SCFD2: variants seen among roughly 807,000 people sequenced by gnomAD.
SCFD2 encodes sec1 family domain-containing protein 2.
SCFD2 carries 54 observed loss-of-function variants against 58.9 expected under a neutral mutation model. The observed-to-expected ratio is 0.92, with a 90% CI of 0.74 to 1.15. The LOEUF (loss-of-function observed/expected upper bound fraction) is 1.15. Among genes scored for constraint, SCFD2 ranks in the 50% most tolerant of loss-of-function variants. The pLI is 0.00. For missense variants in SCFD2, 805 were observed against 836.6 expected (o/e 0.96, Z 0.47); for synonymous variants, 321 against 335.9 (o/e 0.96, Z 0.49).
intron 3 of SCFD2, among the ~76,000 whole-genome samples, chr4:53,300,529 A>T (rs1732241345): frequency 6.6e-6 from 1 of 152,190 alleles, no homozygotes; most frequent in Non-Finnish European, 1.5e-5. Context: ...TGTCCACAGT[A>T]GACAGATCAA....
rs373731294 is a variant in SCFD2, at chr4:53,230,322, T to C, written c.1311+43504A>G. On this transcript the variant is annotated intron_variant, in intron 4 of 8. Coordinates refer to ENST00000401642, the MANE Select transcript of SCFD2 (RefSeq NM_152540.4). ...ATGCTGCTACAAAGACACATGCACATGTATGTTTATTGCGGCACTATTCAC... is the reference window on the plus strand; with the variant it reads ...ATGCTGCTACAAAGACACATGCACACGTATGTTTATTGCGGCACTATTCAC... 9.2e-5 allele frequency among the ~76,000 whole-genome samples: 14 copies of C among 152,182 alleles called. No homozygotes were observed. The South Asian group carries it at 2.7e-3, about 29-fold the overall frequency.
At chr4:53,117,159 A>G (rs1242232225) in intron 5 of SCFD2, among the ~76,000 whole-genome samples, 2 of 152,150 alleles carry the variant, frequency 1.3e-5, no homozygotes, top group African/African-American at 4.8e-5. Context: ...GCTGACTCCT[A>G]TCAAGCTGCT....
At chr4:53,072,558 G>C (rs1187995335) in intron 5 of SCFD2, among the ~76,000 whole-genome samples, 1 of 151,770 alleles carries the variant, frequency 6.6e-6, no homozygotes, top group Non-Finnish European at 1.5e-5. Flanking sequence ...AAAGAACCCA[G>C]AGAATAATAA....
intron 7 of SCFD2, among the ~76,000 whole-genome samples, chr4:52,903,234 C>G (rs537171418): frequency 2.0e-5 from 3 of 152,332 alleles, no homozygotes; most frequent in African/African-American, 7.2e-5. Context: ...GAGGTAGAGG[C>G]AGGCTTCCTT....
rs775353243 is a variant in SCFD2 at position 52,907,602 on chromosome 4, A to C, written c.1708-11T>G. ...TGGCTTATAAGATGCCTGGAAAGACAAAATACTATGAGTAAAGGGATTGTT... is the reference window on the plus strand; with the variant it reads ...TGGCTTATAAGATGCCTGGAAAGACCAAATACTATGAGTAAAGGGATTGTT... On this transcript the variant is annotated splice_polypyrimidine_tract_variant and intron_variant, in intron 6 of 8. Coordinates refer to ENST00000401642, the MANE Select transcript of SCFD2 (RefSeq NM_152540.4). The C allele has an allele frequency of 1.2e-6, 2 of 1,613,860 alleles. No individual in the cohort carries two copies. The highest frequency in any genetic ancestry group is 2.2e-5 in the South Asian group (2 of 91,070).
At chr4:53,252,527 C>G (rs1464887898) in intron 4 of SCFD2, among the ~76,000 whole-genome samples, 1 of 149,674 alleles carries the variant, frequency 6.7e-6, no homozygotes, top group Non-Finnish European at 1.5e-5. Flanking sequence ...GTACTGGTAC[C>G]AAAACAGAGA....
At chr4:52,987,586 A>C (rs979774938) in intron 5 of SCFD2, among the ~76,000 whole-genome samples, 1 of 152,122 alleles carries the variant, frequency 6.6e-6, no homozygotes, top group African/African-American at 2.4e-5. Flanking sequence ...CATTTCACCA[A>C]AGAAAGGGGA....
chr4:53,292,767 C>T (rs1560431390), intron 3 of SCFD2, among the ~76,000 whole-genome samples: 1 of 152,078 alleles, frequency 6.6e-6, no homozygotes, highest in Non-Finnish European at 1.5e-5. Context: ...TTCATTGCAG[C>T]ACTATTCACA....
intron 5 of SCFD2, among the ~76,000 whole-genome samples, chr4:53,122,514 C>G (rs1725508795): frequency 6.6e-6 from 1 of 152,140 alleles, no homozygotes; most frequent in South Asian, 2.1e-4. Flanking sequence ...AATGGCACAG[C>G]TGTGTCACAA....
chr4:53,020,372 C>T (rs2148813078), intron 5 of SCFD2, among the ~76,000 whole-genome samples: 1 of 152,280 alleles, frequency 6.6e-6, no homozygotes, highest in Non-Finnish European at 1.5e-5. Context: ...AACAACTTTG[C>T]AACAGACAAC....
chr4:53,313,084 G>A (rs1732738452), intron 3 of SCFD2, among the ~76,000 whole-genome samples: 1 of 151,994 alleles, frequency 6.6e-6, no homozygotes, highest in Non-Finnish European at 1.5e-5. Flanking sequence ...CAAAGACAAA[G>A]ATGGATGTGA....
intron 2 of SCFD2, among the ~76,000 whole-genome samples, chr4:53,327,324 C>G (rs1391491553): frequency 6.6e-6 from 1 of 151,970 alleles, no homozygotes; most frequent in Non-Finnish European, 1.5e-5. Flanking sequence ...GCAGTCTGAC[C>G]CAGGGTGGCA....
chr4:53,160,181 G>A (rs1726810894), intron 4 of SCFD2, among the ~76,000 whole-genome samples: 1 of 152,224 alleles, frequency 6.6e-6, no homozygotes, highest in Non-Finnish European at 1.5e-5. Context: ...TTAGGGTGGT[G>A]TAGCCGGCCC....
chr4:52,898,288 T>G lies in SCFD2; in HGVS notation c.1842+9169A>C, dbSNP rs1052231174. 4.6e-5 allele frequency among the ~76,000 whole-genome samples: 7 copies of G among 152,206 alleles called. No individual in the cohort carries two copies. In the East Asian group the frequency reaches 7.7e-4, roughly 17 times the overall value. ...CTTTCCTGCTATCTCTTGTGGGCAT[T>G]TAGTGCTATAAATTTTCCTCTACAC... On this transcript the variant is annotated intron_variant, in intron 7 of 8. Coordinates refer to ENST00000401642, the MANE Select transcript of SCFD2 (RefSeq NM_152540.4).
rs2109435783 is a variant in SCFD2 at position 52,874,856 on chromosome 4, G to A, written c.1963-795C>T. Among the ~76,000 whole-genome samples, 5 of 152,344 alleles carry A rather than the reference G, an allele frequency of 3.3e-5. No homozygotes were observed. The Middle Eastern group carries it at 0.014, about 415-fold the overall frequency. Reference sequence around the variant, plus strand: ...AGTAAGGTCATATTCACAGATACCAGTGGGGAGGTTAGGACTGCAAGACAT... The same window carrying A: ...AGTAAGGTCATATTCACAGATACCAATGGGGAGGTTAGGACTGCAAGACAT... On this transcript the variant is annotated intron_variant, in intron 8 of 8. Transcript: ENST00000401642.
At chr4:52,987,988 C>A (rs918489410) in intron 5 of SCFD2, among the ~76,000 whole-genome samples, 2 of 152,150 alleles carry the variant, frequency 1.3e-5, no homozygotes, top group Admixed American at 6.6e-5. Context: ...GAAACGTCTG[C>A]GAAGATCAGA....
intron 4 of SCFD2, among the ~76,000 whole-genome samples, chr4:53,200,612 T>C (rs180683233): frequency 2.0e-5 from 3 of 152,198 alleles, no homozygotes; most frequent in Non-Finnish European, 2.9e-5. Context: ...AGTCAGAAGA[T>C]AGGACAAGCG....
chr4:53,273,344 C>T (rs1457680034), intron 4 of SCFD2, among the ~76,000 whole-genome samples: 2 of 152,188 alleles, frequency 1.3e-5, no homozygotes, highest in Admixed American at 6.5e-5. Context: ...TCCTATCCCA[C>T]ATACAAATAT....
rs1734260023 is a variant in SCFD2, at chr4:53,352,657, T to C, written c.948A>G (p.Ala316=). 6.2e-7 allele frequency: 1 copy of C among 1,613,862 alleles called. No homozygotes were observed. Among genetic ancestry groups the C allele is most frequent in the South Asian group, 1.1e-5 (1 of 91,074 alleles). The change falls in exon 2 of 9, where the codon GCA becomes GCG. Residue 316 remains alanine (A), a synonymous_variant. Coordinates refer to ENST00000401642, the MANE Select transcript of SCFD2 (RefSeq NM_152540.4). ...DVMVNMIALT[A]LHTEEENYNV... ...TATAATTTTCCTCCTCAGTATGGAG[T>C]GCAGTGAGCGCTATCATGTTAACCA...
Sources: gnomAD v4.1 joint callset for allele counts (sites outside exome capture counted in the v4.1 genomes callset) on GRCh38, gnomAD v4.1.1 for gene constraint, MANE v1.5 for transcripts, NCBI Gene and HGNC (gene_info 2026-07-23, HGNC 2026-07-21) for gene names.